Variants in MAP3K1 observed in about 807,000 individuals in gnomAD.
MAP3K1 encodes MAP/ERK kinase kinase 1.
In MAP3K1, 36 loss-of-function variants were observed where a neutral mutation model predicts 144.2. The ratio of observed to expected loss-of-function variants is 0.25; its 90% CI spans 0.19 to 0.33. The LOEUF is 0.33. Among genes scored for constraint, MAP3K1 ranks in the 10% least tolerant of loss-of-function variants. The probability of loss-of-function intolerance (pLI) is 1.00; values close to 1 mark genes in which losing one functional copy is unlikely to be tolerated. For missense variants in MAP3K1, 1,650 were observed against 1,881.9 expected (o/e 0.88, Z 2.28); for synonymous variants, 718 against 688.7 (o/e 1.04, Z -0.67).
intron 1 of MAP3K1, among the ~76,000 whole-genome samples, chr5:56,835,284 A>G (rs1333199655): frequency 6.6e-6 from 1 of 151,770 alleles, no homozygotes; most frequent in Non-Finnish European, 1.5e-5. Context: ...GCAGGTTAGG[A>G]GACAGGAAGG....
intron 3 of MAP3K1, among the ~76,000 whole-genome samples, chr5:56,863,848 G>A (rs542725622): frequency 3.3e-5 from 5 of 152,294 alleles, no homozygotes; most frequent in African/African-American, 1.2e-4. Context: ...ACTGGACATT[G>A]ATGGAAAGAC....
intron 4 of MAP3K1, 138 bp from the exon 5 acceptor site, chr5:56,865,202 A>C: frequency 1.5e-6 from 1 of 652,552 alleles, no homozygotes; most frequent in Admixed American, 2.8e-5. Context: ...GATTTTTCTT[A>C]TATACAAAGA....
chr5:56,894,752 G>C lies in MAP3K1; in HGVS notation c.*1072G>C, dbSNP rs1748653263. 1 of 232,068 alleles carries C rather than the reference G, an allele frequency of 4.3e-6. No individual in the cohort carries two copies. The highest frequency in any genetic ancestry group is 2.2e-5 in the African/African-American group (1 of 45,246). The allele number at this position is 232,068 out of a possible 1,614,324, so 14.4% of individuals were successfully genotyped here. A position where few individuals can be genotyped will look rare whatever the true frequency, so the allele number is the denominator to read the frequency against. On this transcript the variant is annotated 3_prime_UTR_variant, in exon 20 of 20. Coordinates refer to ENST00000399503, the MANE Select transcript of MAP3K1 (RefSeq NM_005921.2). ...TTTTACCATGCATCATCTCTTTACA[G>C]TAGGCCTGGCAGATCATTTTTTAAA... is the stretch of plus-strand genomic sequence containing the variant.
rs750141197 is a variant in MAP3K1 at position 56,882,616 on chromosome 5, C to T, written c.3416C>T (p.Ser1139Phe). The T allele has an allele frequency of 8.7e-6, 14 of 1,613,984 alleles. No individual in the cohort carries two copies. Among genetic ancestry groups the T allele is most frequent in the Non-Finnish European group, 8.5e-6 (10 of 1,179,856 alleles). The part of the protein sequence containing the change: ...NSSIEDLLEA[S>F]MPSSDTTVTF... ...AGTATTGAGGACCTTCTTGAAGCAT[C>T]TATGCCTTCAAGTGATACAACAGTA... is the stretch of plus-strand genomic sequence containing the variant. The change falls in exon 14 of 20, where the codon TCT becomes TTT. Residue 1139 changes from serine to phenylalanine, a missense_variant. This residue lies in a region of MAP3K1 where 841 missense variants were observed against 886.5 expected (regional missense o/e 0.95). Coordinates refer to ENST00000399503, the MANE Select transcript of MAP3K1 (RefSeq NM_005921.2).
chr5:56,856,561 A>G, intron 1 of MAP3K1, 39 bp from the exon 2 acceptor site: 1 of 1,541,644 alleles, frequency 6.5e-7, no homozygotes. Flanking sequence ...TTTTTCATAT[A>G]TACATTTCTC....
chr5:56,876,445 C>T (rs1748033820), intron 10 of MAP3K1, among the ~76,000 whole-genome samples: 1 of 152,194 alleles, frequency 6.6e-6, no homozygotes, highest in African/African-American at 2.4e-5. Flanking sequence ...GCATCCTCTA[C>T]CGATTGGGCC....
At chr5:56,822,044 G>A (rs906628690) in intron 1 of MAP3K1, among the ~76,000 whole-genome samples, 29 of 151,904 alleles carry the variant, frequency 1.9e-4, no homozygotes, top group Middle Eastern at 3.2e-3. Context: ...TTTTTGAGAC[G>A]GAGTCTTGCT....
In MAP3K1 at chr5:56,881,601, G is replaced by T. The variant is rs749283112; in HGVS notation, c.2401G>T (p.Ala801Ser). The change falls in exon 14 of 20, where the codon GCT becomes TCT. Residue 801 changes from alanine to serine, a missense_variant. This residue lies in a region of MAP3K1 where 841 missense variants were observed against 886.5 expected (regional missense o/e 0.95). Coordinates refer to ENST00000399503, the MANE Select transcript of MAP3K1 (RefSeq NM_005921.2). ...GAAGCTGCTGTCCCTCTTAACCTTT[G>T]CTTTGCAGTCCATTGATAATTCCCA... is the stretch of plus-strand genomic sequence containing the variant. ...YKKLLSLLTF[A>S]LQSIDNSHSM... is the part of the protein sequence containing the mutation. 3 of 1,613,684 alleles carry T rather than the reference G, an allele frequency of 1.9e-6. No homozygotes were observed. Among genetic ancestry groups the T allele is most frequent in the Non-Finnish European group, 2.5e-6 (3 of 1,179,828 alleles).
At chr5:56,875,822 A>G (rs1480153423) in intron 10 of MAP3K1, among the ~76,000 whole-genome samples, 1 of 152,220 alleles carries the variant, frequency 6.6e-6, no homozygotes, top group African/African-American at 2.4e-5. Flanking sequence ...TACCTTATAC[A>G]TGACCAAATT....
At chr5:56,848,114 T>C (rs1433936401) in intron 1 of MAP3K1, among the ~76,000 whole-genome samples, 2 of 150,834 alleles carry the variant, frequency 1.3e-5, no homozygotes, top group East Asian at 2.0e-4. Context: ...AAAAAAAAAT[T>C]GATACAGAGT....
chr5:56,856,533 G>A, intron 1 of MAP3K1, 67 bp from the exon 2 acceptor site: 2 of 1,373,320 alleles, frequency 1.5e-6, no homozygotes, highest in Non-Finnish European at 2.1e-6. Context: ...CATCCATTCT[G>A]TTTGTTCTTG....
intron 19 of MAP3K1, among the ~76,000 whole-genome samples, chr5:56,891,047 C>G (rs1748534222): frequency 6.6e-6 from 1 of 151,940 alleles, no homozygotes; most frequent in African/African-American, 2.4e-5. Context: ...GAGACCCTGT[C>G]TCTAAATTAA....
intron 19 of MAP3K1, among the ~76,000 whole-genome samples, chr5:56,891,620 A>G (rs1019406556): frequency 7.2e-5 from 11 of 152,280 alleles, no homozygotes; most frequent in Non-Finnish European, 1.3e-4. Flanking sequence ...GCCCATGCCT[A>G]TGTCCTGAAT....
Position 56,888,986 on chromosome 5 carries a change from T to G in MAP3K1, c.4389+629T>G, listed in dbSNP as rs549946815. On this transcript the variant is annotated intron_variant, in intron 19 of 19. Coordinates refer to ENST00000399503, the MANE Select transcript of MAP3K1 (RefSeq NM_005921.2). ...TTTGAGGTAGTTATGCTCTGTTAAG[T>G]TGCTACAAATATTGAATTAGCAAAT... Among the ~76,000 whole-genome samples, 92 of 152,314 alleles carry G rather than the reference T, an allele frequency of 6.0e-4. No homozygotes were observed. In the South Asian group the frequency reaches 0.018, roughly 29 times the overall value.
intron 10 of MAP3K1, among the ~76,000 whole-genome samples, chr5:56,876,373 T>A (rs1052757027): frequency 1.3e-5 from 2 of 152,100 alleles, no homozygotes; most frequent in Non-Finnish European, 2.9e-5. Context: ...TTAATTCTTA[T>A]CTAGTCTGTT....
chr5:56,854,041 C>T (rs573609197), intron 1 of MAP3K1, among the ~76,000 whole-genome samples: 3 of 152,120 alleles, frequency 2.0e-5, no homozygotes, highest in East Asian at 3.9e-4. Flanking sequence ...CCTGGATGGG[C>T]GTGTGAATGG....
intron 6 of MAP3K1, among the ~76,000 whole-genome samples, chr5:56,869,681 A>G (rs1747793123): frequency 6.6e-6 from 1 of 152,198 alleles, no homozygotes; most frequent in South Asian, 2.1e-4. Flanking sequence ...AATAAGTTGC[A>G]CTTATAATTT....
chr5:56,871,248 A>G (rs1747843686), intron 6 of MAP3K1, among the ~76,000 whole-genome samples: 1 of 152,180 alleles, frequency 6.6e-6, no homozygotes, highest in African/African-American at 2.4e-5. Flanking sequence ...TGGGTTTGCC[A>G]TAATTTGTTT....
At chr5:56,846,424 T>G (rs1746998741) in intron 1 of MAP3K1, among the ~76,000 whole-genome samples, 1 of 152,212 alleles carries the variant, frequency 6.6e-6, no homozygotes, top group African/African-American at 2.4e-5. Flanking sequence ...CTCCTGCTTT[T>G]TCTCCTCACC....
Sources: allele counts gnomAD v4.1 joint callset (sites outside exome capture counted in the v4.1 genomes callset), GRCh38; gene constraint gnomAD v4.1.1; regional missense constraint gnomAD v4.1.1; transcripts MANE v1.5; gene names NCBI Gene and HGNC (gene_info 2026-07-23, HGNC 2026-07-21).